The following CTNNA2 variants were observed in gnomAD, a reference collection of about 807,000 sequenced individuals.
The protein encoded by CTNNA2 is catenin alpha 2.
In CTNNA2, 42 loss-of-function variants were observed where a neutral mutation model predicts 101.0. The ratio of observed to expected loss-of-function variants is 0.42; its 90% CI spans 0.32 to 0.54. The LOEUF is 0.54. CTNNA2 is among the 20% of genes least tolerant of loss of function. The pLI is 0.14. For synonymous variants in CTNNA2, 450 were observed against 456.4 expected (o/e 0.99, Z 0.18); for missense variants, 871 against 1,223.1 (o/e 0.71, Z 4.29).
intron 7 of CTNNA2, among the ~76,000 whole-genome samples, chr2:80,338,227 G>T (rs1449980747): frequency 6.6e-6 from 1 of 151,782 alleles, no homozygotes; most frequent in African/African-American, 2.4e-5. Flanking sequence ...GAGCTTAGGT[G>T]ATCTTCCCGC....
chr2:79,231,669 A>G (rs146550355), intron 2 of CTNNA2, among the ~76,000 whole-genome samples: 1 of 152,242 alleles, frequency 6.6e-6, no homozygotes, highest in Non-Finnish European at 1.5e-5. Context: ...TAATAACTCT[A>G]TTAATACTTC....
rs139655195 is a variant in CTNNA2, at chr2:79,674,503, A to T, written c.102+22845A>T. Among the ~76,000 whole-genome samples the T allele has an allele frequency of 1.8e-3, 271 of 152,332 alleles. 1 individual carries two copies. The highest frequency in any genetic ancestry group is 6.3e-3 in the African/African-American group (263 of 41,572). ...TAGAAAAAATATATAAGAAATTTCT[A>T]AATGGCATGACCCCATCACTAAATC... On this transcript the variant is annotated intron_variant, in intron 2 of 18. Transcript: ENST00000402739.
chr2:80,614,653 T>C (rs1698706983), intron 17 of CTNNA2, among the ~76,000 whole-genome samples: 1 of 151,524 alleles, frequency 6.6e-6, no homozygotes, highest in Non-Finnish European at 1.5e-5. Flanking sequence ...GAGAATAGTC[T>C]GATTTCATTC....
intron 15 of CTNNA2, among the ~76,000 whole-genome samples, chr2:80,598,330 A>G (rs1229249890): frequency 1.3e-5 from 2 of 152,142 alleles, no homozygotes; most frequent in African/African-American, 2.4e-5. Flanking sequence ...AAGGAAGAGC[A>G]TTAGGACAAA....
chr2:79,688,802 G>A (rs2104686895), intron 2 of CTNNA2, among the ~76,000 whole-genome samples: 1 of 152,130 alleles, frequency 6.6e-6, no homozygotes, highest in South Asian at 2.1e-4. Context: ...TGAAGAACAA[G>A]GTCCAGAAGG....
At chr2:80,432,939 T>G (rs904399722) in intron 9 of CTNNA2, among the ~76,000 whole-genome samples, 2 of 152,164 alleles carry the variant, frequency 1.3e-5, no homozygotes, top group Non-Finnish European at 2.9e-5. Flanking sequence ...TCAGCTTTTC[T>G]GTAAAATGTC....
Position 80,302,767 on chromosome 2 carries a change from C to T in CTNNA2, c.1057-90444C>T. On this transcript the variant is annotated intron_variant, in intron 7 of 18. Transcript: ENST00000402739. This position sits in a 1 kb window ranked among gnomAD's most constrained non-coding sequence, Gnocchi z 6.4. Reference sequence around the variant, plus strand: ...AGGCGTACACGGCGTCCAGGACGTCCTCGCCCTGTGCGTACTCCGGGCTGG... The same window carrying T: ...AGGCGTACACGGCGTCCAGGACGTCTTCGCCCTGTGCGTACTCCGGGCTGG... The T allele has an allele frequency of 6.2e-7, 1 of 1,613,268 alleles. No individual in the cohort carries two copies. The highest frequency in any genetic ancestry group is 8.5e-7 in the Non-Finnish European group (1 of 1,179,890).
Position 80,223,228 on chromosome 2 carries a change from G to A in CTNNA2, c.1057-169983G>A, listed in dbSNP as rs558440896. On this transcript the variant is annotated intron_variant, in intron 7 of 18. Coordinates refer to ENST00000402739, the MANE Select transcript of CTNNA2 (RefSeq NM_001282597.3). Reference sequence around the variant, plus strand: ...TTTGAGTGGTCTTTATTTCTGGAACGTAATGAAGAATACTTGTTTTCCAGG... The same window carrying A: ...TTTGAGTGGTCTTTATTTCTGGAACATAATGAAGAATACTTGTTTTCCAGG... Among the ~76,000 whole-genome samples the A allele has an allele frequency of 5.3e-5, 8 of 152,284 alleles. No homozygotes were observed. The East Asian group carries it at 5.8e-4, about 11-fold the overall frequency.
At chr2:79,742,568 T>C (rs1035742024) in intron 2 of CTNNA2, among the ~76,000 whole-genome samples, 3 of 152,186 alleles carry the variant, frequency 2.0e-5, no homozygotes, top group African/African-American at 4.8e-5. Context: ...AACATGTTCA[T>C]GTGTTAGAGT....
Position 79,706,717 on chromosome 2 carries a change from A to T in CTNNA2, c.103-37670A>T, listed in dbSNP as rs553143717. 2.4e-3 allele frequency among the ~76,000 whole-genome samples: 366 copies of T among 152,288 alleles called. 1 individual carries two copies. The highest frequency in any genetic ancestry group is 8.2e-3 in the African/African-American group (342 of 41,574). ...TGAGTACAAGCAGGGACTTGAAAGTATAAGAAAATCTTGGGTGGTGGGCAG... is the reference window on the plus strand; with the variant it reads ...TGAGTACAAGCAGGGACTTGAAAGTTTAAGAAAATCTTGGGTGGTGGGCAG... On this transcript the variant is annotated intron_variant, in intron 2 of 18. Transcript: ENST00000402739.
chr2:80,084,436 A>G (rs1195080556), intron 7 of CTNNA2, among the ~76,000 whole-genome samples: 1 of 152,018 alleles, frequency 6.6e-6, no homozygotes, highest in Non-Finnish European at 1.5e-5. Flanking sequence ...TTTATCTTTA[A>G]TTGACTCCAA....
At chr2:79,958,682 A>T (rs1032222285) in intron 7 of CTNNA2, among the ~76,000 whole-genome samples, 1 of 152,212 alleles carries the variant, frequency 6.6e-6, no homozygotes, top group African/African-American at 2.4e-5. Flanking sequence ...AGTCTATAAG[A>T]TAATACATTT....
intron 7 of CTNNA2, among the ~76,000 whole-genome samples, chr2:80,361,814 G>T (rs993125405): frequency 2.0e-5 from 3 of 151,988 alleles, no homozygotes; most frequent in South Asian, 2.1e-4. Context: ...GAAAGAAAAT[G>T]GTTTCATTGT....
At chr2:80,369,391 T>G (rs1047567787) in intron 7 of CTNNA2, among the ~76,000 whole-genome samples, 2 of 152,074 alleles carry the variant, frequency 1.3e-5, no homozygotes, top group Non-Finnish European at 2.9e-5. Flanking sequence ...GTAATCTACT[T>G]CTAGGAACCT....
At chr2:80,199,711 G>T (rs1707082559) in intron 7 of CTNNA2, among the ~76,000 whole-genome samples, 1 of 152,182 alleles carries the variant, frequency 6.6e-6, no homozygotes, top group African/African-American at 2.4e-5. Flanking sequence ...AGCACAAGGT[G>T]GGTATTTGTT....
intron 7 of CTNNA2, among the ~76,000 whole-genome samples, chr2:80,278,339 G>T (rs1042218999): frequency 1.3e-5 from 2 of 152,108 alleles, no homozygotes; most frequent in Non-Finnish European, 2.9e-5. Context: ...GATTCTATGT[G>T]CTGGCAACTT....
chr2:80,090,510 C>A (rs1699729925), intron 7 of CTNNA2, among the ~76,000 whole-genome samples: 1 of 152,030 alleles, frequency 6.6e-6, no homozygotes, highest in Non-Finnish European at 1.5e-5. Flanking sequence ...TTCTTCTTAG[C>A]TTCAGAGCAT....
intron 4 of CTNNA2, among the ~76,000 whole-genome samples, chr2:79,377,417 A>C (rs78124716): frequency 0.05 from 7,625 of 152,246 alleles, 376 homozygotes; most frequent in African/African-American, 0.13. Flanking sequence ...AAGCCAAAAT[A>C]ATTTTTTATT....
chr2:79,375,033 A>G (rs1001887258), intron 4 of CTNNA2, among the ~76,000 whole-genome samples: 1 of 152,168 alleles, frequency 6.6e-6, no homozygotes, highest in African/African-American at 2.4e-5. Flanking sequence ...AGAGTTGCTC[A>G]TTTTTGGAAC....
Sources: allele counts gnomAD v4.1 joint callset (sites outside exome capture counted in the v4.1 genomes callset), GRCh38; gene constraint gnomAD v4.1.1; non-coding constraint Gnocchi (gnomAD v3.1); transcripts MANE v1.5; gene names NCBI Gene and HGNC (gene_info 2026-07-23, HGNC 2026-07-21).